Variants in IQUB observed in about 807,000 individuals in gnomAD.
IQUB encodes the protein IQ motif and ubiquitin-like domain-containing protein.
Under a neutral mutation model 86.4 loss-of-function variants are expected in IQUB, and 86 were observed. That is an observed-to-expected ratio of 1.00 (90% confidence interval 0.84 to 1.19). The LOEUF is 1.19. Among genes scored for constraint, IQUB ranks in the 50% most tolerant of loss-of-function variants. The pLI, the probability that IQUB is intolerant of heterozygous loss-of-function variation, is 0.00. For missense variants in IQUB, 946 were observed against 916.9 expected, an observed-to-expected ratio of 1.03 and a Z score of -0.41; for synonymous variants, 289 against 304.5, an observed-to-expected ratio of 0.95 and a Z score of 0.53.
chr7:123,477,681 C>T (rs1051499392), intron 8 of IQUB, among the ~76,000 whole-genome samples: 3 of 152,014 alleles, frequency 2.0e-5, no homozygotes, highest in African/African-American at 7.2e-5. Flanking sequence ...AAAATTTTTG[C>T]AATCTACCCA....
chr7:123,480,022 T>A (rs2117076637), intron 7 of IQUB, 52 bp from the exon 8 acceptor site: 2 of 1,340,092 alleles, frequency 1.5e-6, no homozygotes, highest in Non-Finnish European at 2.1e-6. Flanking sequence ...CCATCTTGAA[T>A]GATCACATCC....
At position 123,452,923 on chromosome 7, in the gene IQUB, T is replaced by G. The variant is rs145259873; in HGVS notation, c.2196A>C (p.Gly732=). ...TCTTGTGAATAAATGAGCGTTCATA[T>G]CCCTGCAAAGAAAAAAATCAAATTC... ...AHLKLTSIEE[G]YERSFIHKIK... is the part of the protein sequence containing the mutation. Residue 732 remains glycine, a splice_region_variant and synonymous_variant, in exon 13 of 13, where the codon GGA becomes GGC. Coordinates refer to ENST00000324698, the MANE Select transcript of IQUB (RefSeq NM_178827.5). The G allele has an allele frequency of 8.7e-5, 139 of 1,603,496 alleles. No homozygotes were observed. Among genetic ancestry groups the G allele is most frequent in the Middle Eastern group, 3.4e-4 (2 of 5,808 alleles).
At chr7:123,494,646 T>G (rs1285991433) in intron 7 of IQUB, among the ~76,000 whole-genome samples, 2 of 152,148 alleles carry the variant, frequency 1.3e-5, no homozygotes, top group Non-Finnish European at 2.9e-5. Flanking sequence ...TACTTTAGTA[T>G]GAAAATTCTG....
At chr7:123,457,616 G>T in intron 11 of IQUB, 50 bp from the exon 12 acceptor site, 1 of 1,331,636 alleles carries the variant, frequency 7.5e-7, no homozygotes, top group Non-Finnish European at 1.1e-6. Flanking sequence ...ATTTGTTTAA[G>T]ATTATTATAT....
At chr7:123,485,324 A>C (rs759626381) in intron 7 of IQUB, among the ~76,000 whole-genome samples, 1 of 152,030 alleles carries the variant, frequency 6.6e-6, no homozygotes, top group African/African-American at 2.4e-5. Flanking sequence ...TCTTCTTATA[A>C]GTACACCAGT....
intron 11 of IQUB, among the ~76,000 whole-genome samples, chr7:123,460,309 GGTT>G (rs2116960584): frequency 6.6e-6 from 1 of 151,938 alleles, no homozygotes; most frequent in South Asian, 2.1e-4. Context: ...GCCTATATCA[GGTT>G]GTCATAAAAA....
chr7:123,530,830 C>A (rs1797503257), intron 1 of IQUB, among the ~76,000 whole-genome samples: 1 of 152,038 alleles, frequency 6.6e-6, no homozygotes, highest in South Asian at 2.1e-4. Context: ...GCACCCCCCA[C>A]CATGCCTGGC....
At chr7:123,457,262 G>T (rs184616809) in intron 12 of IQUB, 119 bp downstream of exon 12, 11 of 1,442,458 alleles carry the variant, frequency 7.6e-6, no homozygotes, top group Middle Eastern at 5.1e-4. Flanking sequence ...TAATCCATAA[G>T]TTCTGTTTCT....
chr7:123,532,767 A>G (rs1481889529), intron 1 of IQUB: 1 of 152,128 alleles, frequency 6.6e-6, no homozygotes, highest in Non-Finnish European at 1.5e-5. Flanking sequence ...TGGGCTCAGC[A>G]ACCCTCCTGA....
intron 7 of IQUB, among the ~76,000 whole-genome samples, chr7:123,493,731 ATGTGTGTGTGTGTGTGTGTGTG>A (rs71161484): frequency 7.1e-5 from 8 of 112,564 alleles, no homozygotes; most frequent in Non-Finnish European, 1.6e-4. Context: ...ATGTGTGTGT[ATGTGTGTGTGTGTGTGTGTGTG>A]TGTGTGTGTG....
At position 123,512,125 on chromosome 7, in the gene IQUB, T is replaced by C; in HGVS notation, c.216A>G (p.Glu72=). Residue 72 remains glutamate, a synonymous_variant, in exon 2 of 13, where the codon GAA becomes GAG. Coordinates refer to ENST00000324698, the MANE Select transcript of IQUB (RefSeq NM_178827.5). Reference sequence around the variant, plus strand: ...CTTCCATGAGTTGTTCATTGTCTGGTTCCAGGCTTGAAAAGCTTTGGTCAC... The same window carrying C: ...CTTCCATGAGTTGTTCATTGTCTGGCTCCAGGCTTGAAAAGCTTTGGTCAC... The part of the protein sequence containing the change: ...EQSDQSFSSL[E]PDNEQLMEEV... 1 of 1,614,080 alleles carries C rather than the reference T, an allele frequency of 6.2e-7. No individual in the cohort carries two copies.
intron 6 of IQUB, 85 bp downstream of exon 6, chr7:123,502,512 T>C (rs1795988931): frequency 1.7e-6 from 2 of 1,188,618 alleles, no homozygotes; most frequent in African/African-American, 3.1e-5. Flanking sequence ...CTCAAGCAAA[T>C]GTGGCTTGGA....
chr7:123,521,681 C>CACACACAG lies in IQUB; in HGVS notation c.-4-9338_-4-9337insCTGTGTGT, dbSNP rs533866528. 3.9e-3 allele frequency among the ~76,000 whole-genome samples: 589 copies of CACACACAG among 151,098 alleles called. 3 individuals carry two copies. Among genetic ancestry groups the CACACACAG allele is most frequent in the Non-Finnish European group, 5.5e-3 (373 of 67,782 alleles). The stretch of plus-strand genomic sequence containing the variant: ...ACACACACACACACACACACACACA[C>CACACACAG]AGAGATCACAGTTCTCTGTAACCTG... On this transcript the variant is annotated intron_variant, in intron 1 of 12. Transcript: ENST00000324698.
chr7:123,502,922 A>G (rs768559666), intron 5 of IQUB, 22 bp downstream of exon 5: 1 of 1,588,378 alleles, frequency 6.3e-7, no homozygotes, highest in Non-Finnish European at 8.6e-7. Context: ...CAAAAACCTA[A>G]AGAGACAAAT....
chr7:123,484,321 C>G (rs896177611), intron 7 of IQUB, among the ~76,000 whole-genome samples: 2 of 151,974 alleles, frequency 1.3e-5, no homozygotes, highest in Non-Finnish European at 2.9e-5. Flanking sequence ...GATAACTTTA[C>G]CAACCAAAAG....
intron 6 of IQUB, chr7:123,501,944 A>T (rs1275710115): frequency 1.3e-5 from 2 of 152,244 alleles, no homozygotes; most frequent in East Asian, 3.9e-4. Context: ...CCTGCTATAA[A>T]GTTAACCCCA....
Position 123,514,394 on chromosome 7 carries a change from T to C in IQUB, c.-4-2050A>G, listed in dbSNP as rs187803307. On this transcript the variant is annotated intron_variant, in intron 1 of 12. Coordinates refer to ENST00000324698, the MANE Select transcript of IQUB (RefSeq NM_178827.5). ...CTAAAGGAACTTCTAAAGAATATAC[T>C]CAAAGGAGGAAAATGATTTCAAGGG... 3.8e-3 allele frequency among the ~76,000 whole-genome samples: 571 copies of C among 151,976 alleles called. 3 individuals are homozygous for C. The highest frequency in any genetic ancestry group is 0.01 in the Middle Eastern group (3 of 294).
At chr7:123,516,221 T>A (rs1796629935) in intron 1 of IQUB, among the ~76,000 whole-genome samples, 1 of 152,024 alleles carries the variant, frequency 6.6e-6, no homozygotes, top group Non-Finnish European at 1.5e-5. Flanking sequence ...AAAGAACTGA[T>A]CCCAGATGTA....
At chr7:123,474,464 G>T (rs1224668854) in intron 8 of IQUB, among the ~76,000 whole-genome samples, 1 of 152,106 alleles carries the variant, frequency 6.6e-6, no homozygotes, top group Non-Finnish European at 1.5e-5. Flanking sequence ...GCTTGGGGGT[G>T]GGGGAGGTTG....
Sources: gnomAD v4.1 joint callset for allele counts (sites outside exome capture counted in the v4.1 genomes callset) on GRCh38, gnomAD v4.1.1 for gene constraint, MANE v1.5 for transcripts, NCBI Gene and HGNC (gene_info 2026-07-23, HGNC 2026-07-21) for gene names.